MTMR12: variants seen among roughly 807,000 people sequenced by gnomAD.
MTMR12 encodes the protein myotubularin-related protein 12.
In MTMR12, 33 loss-of-function variants were observed where a neutral mutation model predicts 96.7. The observed-to-expected ratio is 0.34, with a 90% confidence interval of 0.26 to 0.46. MTMR12 has a LOEUF of 0.46. Ranked by LOEUF, MTMR12 falls within the 20% of genes least tolerant of loss-of-function variation. The probability of loss-of-function intolerance (pLI) is 1.00; values close to 1 mark genes in which losing one functional copy is unlikely to be tolerated. For missense variants in MTMR12, 721 were observed against 896.1 expected (o/e 0.80, Z 2.49); for synonymous variants, 298 against 327.2 (o/e 0.91, Z 0.96).
At chr5:32,281,141 G>A (rs544024942) in intron 1 of MTMR12, among the ~76,000 whole-genome samples, 8 of 151,372 alleles carry the variant, frequency 5.3e-5, no homozygotes, top group South Asian at 2.1e-4. Flanking sequence ...CCAGCTACTC[G>A]GGAGGCTGAG....
At chr5:32,249,805 A>G (rs1748844781) in intron 8 of MTMR12, among the ~76,000 whole-genome samples, 1 of 152,164 alleles carries the variant, frequency 6.6e-6, no homozygotes, top group South Asian at 2.1e-4. Flanking sequence ...CTTGGGGCAA[A>G]GTAATCTGCC....
intron 5 of MTMR12, 76 bp from the exon 6 acceptor site, chr5:32,268,870 C>T (rs1440266947): frequency 3.2e-6 from 4 of 1,247,356 alleles, no homozygotes; most frequent in African/African-American, 1.5e-5. Flanking sequence ...GTCAAGGTGT[C>T]TAAGTTCTTA....
In MTMR12 at chr5:32,229,649, G is replaced by T; in HGVS notation, c.*129C>A. The T allele has an allele frequency of 1.2e-6, 1 of 800,108 alleles. No homozygotes were observed. The highest frequency in any genetic ancestry group is 1.8e-6 in the Non-Finnish European group (1 of 559,388). 49.6% of individuals were successfully genotyped at this position (800,108 alleles called of 1,614,324 possible). ...AATGAGAGCCACCTCTTTTCCCGAAGGCCCAGGTTTATTCTAACGGAGTGC... is the reference window on the plus strand; with the variant it reads ...AATGAGAGCCACCTCTTTTCCCGAATGCCCAGGTTTATTCTAACGGAGTGC... On this transcript the variant is annotated 3_prime_UTR_variant, in exon 16 of 16. Transcript: ENST00000382142.
chr5:32,294,797 A>G (rs1306506838), intron 1 of MTMR12, among the ~76,000 whole-genome samples: 2 of 152,230 alleles, frequency 1.3e-5, no homozygotes, highest in Non-Finnish European at 2.9e-5. Flanking sequence ...ACATAGAGAC[A>G]ATAATTCTTG....
intron 1 of MTMR12, among the ~76,000 whole-genome samples, chr5:32,310,486 C>A (rs1170792993): frequency 6.6e-6 from 1 of 152,174 alleles, no homozygotes; most frequent in Non-Finnish European, 1.5e-5. Flanking sequence ...AGAATAAGAT[C>A]CTGTCATTTG....
intron 1 of MTMR12, among the ~76,000 whole-genome samples, chr5:32,289,484 G>A (rs778680589): frequency 1.3e-5 from 2 of 152,172 alleles, no homozygotes; most frequent in African/African-American, 2.4e-5. Flanking sequence ...GGAGACCTCT[G>A]ACATTCTACC....
Position 32,248,865 on chromosome 5 carries a change from G to A in MTMR12, c.803C>T (p.Ser268Phe). The stretch of plus-strand genomic sequence containing the variant: ...CAAAAGGGCACTTCCATTGTGGCAG[G>A]ACCAACACCATATCTGTAGAAACAA... ...QGHGIPIWCW[S>F]CHNGSALLKM... Residue 268 changes from serine to phenylalanine, a missense_variant, in exon 9 of 16, where the codon TCC (serine) becomes TTC (phenylalanine). By Grantham distance (155) the Ser-to-Phe change is radical. Transcript: ENST00000382142. 3 of 1,613,516 alleles carry A rather than the reference G, an allele frequency of 1.9e-6. No individual in the cohort carries two copies. The highest frequency in any genetic ancestry group is 2.5e-6 in the Non-Finnish European group (3 of 1,179,510).
intron 1 of MTMR12, among the ~76,000 whole-genome samples, chr5:32,283,052 A>T (rs932153455): frequency 6.6e-6 from 1 of 152,178 alleles, no homozygotes; most frequent in Non-Finnish European, 1.5e-5. Context: ...CTACATGTGG[A>T]TCTTGGAGTG....
chr5:32,236,436 A>G (rs1748232139), intron 13 of MTMR12, among the ~76,000 whole-genome samples: 1 of 152,158 alleles, frequency 6.6e-6, no homozygotes, highest in African/African-American at 2.4e-5. Flanking sequence ...AGTCCCAGCT[A>G]CTCAGAAGGC....
chr5:32,299,074 C>T (rs976852374), intron 1 of MTMR12, among the ~76,000 whole-genome samples: 2 of 151,916 alleles, frequency 1.3e-5, no homozygotes, highest in South Asian at 2.1e-4. Flanking sequence ...CACACATACA[C>T]ATACACACAC....
chr5:32,274,536 C>A (rs1009081265), intron 2 of MTMR12, among the ~76,000 whole-genome samples: 1 of 152,106 alleles, frequency 6.6e-6, no homozygotes, highest in Non-Finnish European at 1.5e-5. Flanking sequence ...CCTAAAAAAA[C>A]GCAGATCCCA....
At chr5:32,247,032 A>C (rs559768419) in intron 10 of MTMR12, among the ~76,000 whole-genome samples, 1 of 152,138 alleles carries the variant, frequency 6.6e-6, no homozygotes, top group African/African-American at 2.4e-5. Context: ...CGAATCCCAA[A>C]ACAGTTAAGA....
chr5:32,248,247 AC>A, intron 9 of MTMR12, 121 bp from the exon 10 acceptor site: 2 of 1,128,656 alleles, frequency 1.8e-6, no homozygotes, highest in Non-Finnish European at 2.5e-6. Flanking sequence ...ATCTTCACCT[AC>A]CAGGCAATTG....
chr5:32,302,973 G>A (rs1419293956), intron 1 of MTMR12, among the ~76,000 whole-genome samples: 3 of 152,106 alleles, frequency 2.0e-5, no homozygotes, highest in African/African-American at 7.2e-5. Flanking sequence ...ATGACAACAT[G>A]GCAACAATCA....
Position 32,233,396 on chromosome 5 carries a change from T to A in MTMR12, c.1674+377A>T, listed in dbSNP as rs777512562. 1.5e-4 allele frequency among the ~76,000 whole-genome samples: 23 copies of A among 152,038 alleles called. No homozygotes were observed. The highest frequency in any genetic ancestry group is 1.2e-3 in the Admixed American group (18 of 15,272). On this transcript the variant is annotated intron_variant, in intron 15 of 15. Coordinates refer to ENST00000382142, the MANE Select transcript of MTMR12 (RefSeq NM_001040446.3). This position sits in a 1 kb window ranked among gnomAD's most constrained non-coding sequence, Gnocchi z 5.0. Reference sequence around the variant, plus strand: ...AGAAAAGTCTTACTATTTATTATAATAAATGAACTGGTATCGGCCAAGTAA... The same window carrying A: ...AGAAAAGTCTTACTATTTATTATAAAAAATGAACTGGTATCGGCCAAGTAA...
At position 32,312,239 on chromosome 5, in the gene MTMR12, C is replaced by T. The variant is rs1208721212; in HGVS notation, c.81+519G>A. Among the ~76,000 whole-genome samples the T allele has an allele frequency of 6.6e-6, 1 of 152,228 alleles. No individual in the cohort carries two copies. Among genetic ancestry groups the T allele is most frequent in the Non-Finnish European group, 1.5e-5 (1 of 68,030 alleles). On this transcript the variant is annotated intron_variant, in intron 1 of 15. Transcript: ENST00000382142. This position sits in a 1 kb window ranked among gnomAD's most constrained non-coding sequence, Gnocchi z 5.0. ...AGACTGGCTGAGGCCAGGCCGACCC[C>T]CTTTTCTCCCCGCAGCGCTGACGGG...
chr5:32,284,077 G>A (rs775467382), intron 1 of MTMR12, among the ~76,000 whole-genome samples: 6 of 152,032 alleles, frequency 3.9e-5, no homozygotes, highest in Non-Finnish European at 5.9e-5. Context: ...CAAGGTGGAT[G>A]GACCGGATCA....
chr5:32,305,666 G>C (rs1223358667), intron 1 of MTMR12, among the ~76,000 whole-genome samples: 5 of 152,088 alleles, frequency 3.3e-5, no homozygotes, highest in Non-Finnish European at 7.4e-5. Context: ...CACTTTGGGA[G>C]GCCAAGGCAG....
intron 12 of MTMR12, 147 bp downstream of exon 12, chr5:32,241,910 G>A (rs374825669): frequency 1.3e-5 from 8 of 632,488 alleles, no homozygotes; most frequent in Non-Finnish European, 2.1e-5. Context: ...CCAAGGCAAA[G>A]GATTCCAAGG....
Sources: gnomAD v4.1 joint callset for allele counts (sites outside exome capture counted in the v4.1 genomes callset) on GRCh38, gnomAD v4.1.1 for gene constraint, Gnocchi (gnomAD v3.1) non-coding constraint, MANE v1.5 for transcripts, NCBI Gene and HGNC (gene_info 2026-07-23, HGNC 2026-07-21) for gene names.